The following NF1 variants were observed in gnomAD, a reference collection of about 807,000 sequenced individuals.
NF1 encodes neurofibromin.
NF1 carries 122 observed loss-of-function variants against 325.7 expected under a neutral mutation model. The observed-to-expected ratio is 0.37, with a 90% CI of 0.32 to 0.44. NF1 has a LOEUF of 0.44. NF1 is among the 20% of genes least tolerant of loss of function. The pLI is 1.00. For missense variants in NF1, 2,140 were observed against 3,415.4 expected, an observed-to-expected ratio of 0.63 and a Z score of 9.31; for synonymous variants, 1,091 against 1,186.0, an observed-to-expected ratio of 0.92 and a Z score of 1.65.
At chr17:31,128,260 G>A (rs1047889066) in intron 1 of NF1, among the ~76,000 whole-genome samples, 1 of 151,854 alleles carries the variant, frequency 6.6e-6, no homozygotes, top group African/African-American at 2.4e-5. Context: ...CCCCAGGGTT[G>A]TTGCTTCTTT....
intron 12 of NF1, among the ~76,000 whole-genome samples, chr17:31,206,693 C>A (rs1372602000): frequency 6.7e-6 from 1 of 150,028 alleles, no homozygotes. Context: ...TTTTGATTAG[C>A]CTCTCACGTT....
At chr17:31,298,702 AG>A (rs776293657) in intron 36 of NF1, among the ~76,000 whole-genome samples, 1 of 152,140 alleles carries the variant, frequency 6.6e-6, no homozygotes, top group Non-Finnish European at 1.5e-5. Flanking sequence ...CTGTGGATTT[AG>A]GAAACCAGCC....
intron 12 of NF1, among the ~76,000 whole-genome samples, chr17:31,213,097 C>A (rs1363831876): frequency 6.6e-6 from 1 of 152,100 alleles, no homozygotes; most frequent in Non-Finnish European, 1.5e-5. Flanking sequence ...CACTTAGTTA[C>A]ATCAAAGTAA....
At position 31,350,169 on chromosome 17, in the gene NF1, C is replaced by T. The variant is rs377244887; in HGVS notation, c.7322-14C>T. On this transcript the variant is annotated splice_polypyrimidine_tract_variant and intron_variant, in intron 49 of 57. Coordinates refer to ENST00000358273, the MANE Select transcript of NF1 (RefSeq NM_001042492.3). ...TTTGTTAAATTTTTTAACCTGCCAC[C>T]GTTTTCCTTTTAGCTTTACTTACAG... 1.1e-4 allele frequency: 183 copies of T among 1,613,678 alleles called. 1 individual carries two copies. The highest frequency in any genetic ancestry group is 1.4e-4 in the Non-Finnish European group (160 of 1,179,800).
intron 1 of NF1, among the ~76,000 whole-genome samples, chr17:31,108,114 C>T (rs1180605012): frequency 6.7e-6 from 1 of 149,646 alleles, no homozygotes; most frequent in Non-Finnish European, 1.5e-5. Context: ...GCATGGGTGA[C>T]AGAGTGAAAC....
intron 5 of NF1, among the ~76,000 whole-genome samples, chr17:31,173,358 C>T (rs567624833): frequency 2.4e-4 from 36 of 151,910 alleles, no homozygotes; most frequent in African/African-American, 8.0e-4. Context: ...TGCAGTGAGC[C>T]GAGATTGTGC....
chr17:31,267,893 C>T (rs982239923), intron 36 of NF1, among the ~76,000 whole-genome samples: 10 of 152,174 alleles, frequency 6.6e-5, no homozygotes, highest in African/African-American at 2.4e-4. Flanking sequence ...CATTGTTAGT[C>T]ACCAAATCTT....
chr17:31,340,871 A>C (rs1214590767), intron 47 of NF1, among the ~76,000 whole-genome samples: 11 of 151,536 alleles, frequency 7.3e-5, no homozygotes, highest in East Asian at 1.9e-4. Flanking sequence ...CAAAAAAAAA[A>C]CAGTACTGGC....
intron 36 of NF1, among the ~76,000 whole-genome samples, 167 bp from the exon 37 acceptor site, chr17:31,325,653 T>C (rs1239279600): frequency 6.6e-6 from 1 of 152,238 alleles, no homozygotes; most frequent in African/African-American, 2.4e-5. Flanking sequence ...GCCTTATTTC[T>C]CAGTGTCCAA....
chr17:31,295,445 G>A, intron 36 of NF1: 2 of 1,614,124 alleles, frequency 1.2e-6, no homozygotes, highest in South Asian at 1.1e-5. Context: ...TTTGGGTTGA[G>A]TTACCACACT....
At chr17:31,306,394 A>G (rs1444534508) in intron 36 of NF1, among the ~76,000 whole-genome samples, 1 of 152,070 alleles carries the variant, frequency 6.6e-6, no homozygotes, top group African/African-American at 2.4e-5. Flanking sequence ...CATATTTTAT[A>G]TATATAGATA....
chr17:31,225,232 A>T lies in NF1; in HGVS notation c.1983A>T (p.Gly661=). The change falls in exon 17 of 58, where the codon GGA becomes GGT. Residue 661 remains glycine, a synonymous_variant. Coordinates refer to ENST00000358273, the MANE Select transcript of NF1 (RefSeq NM_001042492.3). ...CTCCTGGAGCCTCTCTCCGGAAGGG[A>T]AAAGGGAACTCCTCTATGGTCAGCT... ...LRTPGASLRK[G]KGNSSMDSAA... is the part of the protein sequence containing the mutation. 6.2e-7 allele frequency: 1 copy of T among 1,613,576 alleles called. No homozygotes were observed. The highest frequency in any genetic ancestry group is 8.5e-7 in the Non-Finnish European group (1 of 1,179,594).
intron 36 of NF1, among the ~76,000 whole-genome samples, chr17:31,301,324 G>T (rs2068569130): frequency 6.6e-6 from 1 of 152,018 alleles, no homozygotes; most frequent in Non-Finnish European, 1.5e-5. Flanking sequence ...GGTCCTTGGT[G>T]TTCCAATATA....
chr17:31,222,536 A>C (rs761003296), intron 15 of NF1: 108 of 1,024,468 alleles, frequency 1.1e-4, no homozygotes, highest in Non-Finnish European at 1.2e-4. Context: ...TGGCAGCTGA[A>C]TTAAACCTTA....
At chr17:31,341,670 T>C (rs1009018009) in intron 47 of NF1, among the ~76,000 whole-genome samples, 1 of 149,420 alleles carries the variant, frequency 6.7e-6, no homozygotes, top group Non-Finnish European at 1.5e-5. Flanking sequence ...TAATAAATGT[T>C]AGGAGGGGTG....
At chr17:31,221,762 A>T in intron 14 of NF1, 88 bp from the exon 15 acceptor site, 1 of 885,438 alleles carries the variant, frequency 1.1e-6, no homozygotes. Flanking sequence ...ATTTCTTAGC[A>T]TTTATAAAAT....
rs369823099 is a variant in NF1, at chr17:31,187,752, G to C, written c.888+5087G>C. On this transcript the variant is annotated intron_variant, in intron 8 of 57. Transcript: ENST00000358273. ...GATCCACTAGAAAATTTTTCTTCCCGTTCTTGAGACATTATGTTCTGCTGG... is the reference window on the plus strand; with the variant it reads ...GATCCACTAGAAAATTTTTCTTCCCCTTCTTGAGACATTATGTTCTGCTGG... Among the ~76,000 whole-genome samples the C allele has an allele frequency of 2.0e-5, 3 of 152,192 alleles. No homozygotes were observed. The South Asian group carries it at 6.2e-4, about 32-fold the overall frequency.
At chr17:31,165,022 A>T (rs1186901487) in intron 4 of NF1, among the ~76,000 whole-genome samples, 1 of 152,190 alleles carries the variant, frequency 6.6e-6, no homozygotes, top group Non-Finnish European at 1.5e-5. Context: ...GGTGACTGCT[A>T]GGCCGGCCTT....
At chr17:31,295,743 A>T (rs1231203931) in intron 36 of NF1, 1 of 1,614,192 alleles carries the variant, frequency 6.2e-7, no homozygotes, top group East Asian at 2.2e-5. Context: ...TTGTGCAGGT[A>T]AAGATGTGTG....
Sources: allele counts gnomAD v4.1 joint callset (sites outside exome capture counted in the v4.1 genomes callset), GRCh38; gene constraint gnomAD v4.1.1; transcripts MANE v1.5; gene names NCBI Gene and HGNC (gene_info 2026-07-23, HGNC 2026-07-21).